ZNF831: variants seen among roughly 807,000 people sequenced by gnomAD.
ZNF831 encodes zinc finger protein 831.
Under a neutral mutation model 95.8 loss-of-function variants are expected in ZNF831, and 59 were observed. The ratio of observed to expected loss-of-function variants is 0.62; its 90% confidence interval spans 0.50 to 0.77. The LOEUF (loss-of-function observed/expected upper bound fraction) is 0.77, where lower values mean the gene tolerates loss of function less well. Ranked by LOEUF, ZNF831 falls within the 30% of genes least tolerant of loss-of-function variation. The probability of loss-of-function intolerance (pLI) is 0.00; values close to 1 mark genes in which losing one functional copy is unlikely to be tolerated. For missense variants in ZNF831, 2,205 were observed against 2,164.0 expected, an observed-to-expected ratio of 1.02 and a Z score of -0.38; for synonymous variants, 961 against 925.5, an observed-to-expected ratio of 1.04 and a Z score of -0.70.
At chr20:59,124,283 G>A (rs1056946548) in intron 1 of ZNF831, among the ~76,000 whole-genome samples, 1 of 152,202 alleles carries the variant, frequency 6.6e-6, no homozygotes, top group Non-Finnish European at 1.5e-5. Flanking sequence ...TCATGGCTGT[G>A]TTGGTGGTCT....
intron 1 of ZNF831, among the ~76,000 whole-genome samples, chr20:59,128,611 T>A (rs1407182578): frequency 6.6e-6 from 1 of 152,204 alleles, no homozygotes; most frequent in Non-Finnish European, 1.5e-5. Flanking sequence ...GCTAGGGGGA[T>A]GCACCTGGCC....
At chr20:59,202,779 C>T (rs571127899) in intron 3 of ZNF831, among the ~76,000 whole-genome samples, 49 of 152,318 alleles carry the variant, frequency 3.2e-4, no homozygotes, top group South Asian at 1.5e-3. Context: ...GAAGGTCATC[C>T]TCATCTGGTT....
In ZNF831 at chr20:59,169,478, A is replaced by G. The variant is rs1981553525; in HGVS notation, c.-37+5271A>G. The stretch of plus-strand genomic sequence containing the variant: ...GTTTTTGTAGAGATTCTAAAGACCA[A>G]TTTTAGGCTGGGCACAGTGGCTCAT... On this transcript the variant is annotated intron_variant, in intron 1 of 5. Transcript: ENST00000371030. The surrounding 1 kb of genome is among the most constrained non-coding windows in gnomAD (Gnocchi z 4.1). 6.6e-6 allele frequency among the ~76,000 whole-genome samples: 1 copy of G among 152,190 alleles called. No homozygotes were observed.
chr20:59,231,690 A>G (rs1986729606), intron 4 of ZNF831, among the ~76,000 whole-genome samples: 1 of 152,108 alleles, frequency 6.6e-6, no homozygotes. Flanking sequence ...CCGCTTTCAA[A>G]CATTTCTGTT....
chr20:59,150,139 T>G (rs1198999332), intron 2 of ZNF831, among the ~76,000 whole-genome samples: 2 of 152,164 alleles, frequency 1.3e-5, no homozygotes, highest in Non-Finnish European at 2.9e-5. Context: ...AGGAACAGAT[T>G]TTAGATTTTT....
rs930623422 is a variant in ZNF831 at position 59,207,169 on chromosome 20, C to G, written c.4027+113C>G. On this transcript the variant is annotated intron_variant, in intron 4 of 5. Transcript: ENST00000371030. The stretch of plus-strand genomic sequence containing the variant: ...AGTCAGCCCCAAGTGCCACAGGGGT[C>G]AGGCCCAAAAGGGAGAGTAACAGAG... 9 of 1,340,850 alleles carry G rather than the reference C, an allele frequency of 6.7e-6. No homozygotes were observed. The African/African-American group carries it at 1.3e-4, about 20-fold the overall frequency. 83.1% of individuals were successfully genotyped at this position (1,340,850 alleles called of 1,614,324 possible). A position where few individuals can be genotyped will look rare whatever the true frequency, so the allele number is the denominator to read the frequency against.
At chr20:59,179,354 T>C (rs1031106329) in intron 1 of ZNF831, among the ~76,000 whole-genome samples, 10 of 152,184 alleles carry the variant, frequency 6.6e-5, no homozygotes, top group African/African-American at 2.2e-4. Flanking sequence ...CGCTTCTCAC[T>C]ACAGTCCAGC....
At chr20:59,128,162 C>A (rs1979236660) in intron 1 of ZNF831, among the ~76,000 whole-genome samples, 1 of 152,140 alleles carries the variant, frequency 6.6e-6, no homozygotes, top group African/African-American at 2.4e-5. Flanking sequence ...CAGATTGTGA[C>A]AAATGCCACA....
At chr20:59,207,863 T>G (rs1985010223) in intron 4 of ZNF831, among the ~76,000 whole-genome samples, 1 of 152,242 alleles carries the variant, frequency 6.6e-6, no homozygotes, top group Non-Finnish European at 1.5e-5. Context: ...CCCTTGGCTC[T>G]GTCTCATGCC....
At position 59,135,497 on chromosome 20, in the gene ZNF831, C is replaced by T. The variant is rs1036756461; in HGVS notation, c.-1424-10734C>T. Among the ~76,000 whole-genome samples, 7 of 152,252 alleles carry T rather than the reference C, an allele frequency of 4.6e-5. No individual in the cohort carries two copies. In the South Asian group the frequency reaches 6.2e-4, roughly 14 times the overall value. On this transcript the variant is annotated intron_variant, in intron 1 of 7. Coordinates refer to the ZNF831 transcript ENST00000637017. ...CTGTAATCCCAGCACTTTGGGAGGCCGAGGCGGGCAGATCATGAGGTCAAG... is the reference window on the plus strand; with the variant it reads ...CTGTAATCCCAGCACTTTGGGAGGCTGAGGCGGGCAGATCATGAGGTCAAG...
At position 59,257,905 on chromosome 20, in the gene ZNF831, T is replaced by A. The variant is rs889530045; in HGVS notation, c.*3162T>A. On this transcript the variant is annotated 3_prime_UTR_variant, in exon 6 of 6. Coordinates refer to ENST00000371030, the MANE Select transcript of ZNF831 (RefSeq NM_178457.3). ...GACTCACCAGGTTTCTCTCTCCACC[T>A]GTACCTACACCCAGCTAGATCTTGT... The A allele has an allele frequency of 3.9e-5, 6 of 152,116 alleles. No individual in the cohort carries two copies. Among genetic ancestry groups the A allele is most frequent in the Admixed American group, 2.6e-4 (4 of 15,268 alleles). The allele number at this position is 152,116 out of a possible 1,614,324, so 9.4% of individuals were successfully genotyped here.
At chr20:59,188,334 A>G (rs1983226483) in intron 1 of ZNF831, among the ~76,000 whole-genome samples, 1 of 152,084 alleles carries the variant, frequency 6.6e-6, no homozygotes, top group Non-Finnish European at 1.5e-5. Context: ...TTAGTTTATT[A>G]TTATTATTTA....
chr20:59,248,323 T>C (rs1987719654), intron 4 of ZNF831, among the ~76,000 whole-genome samples: 1 of 152,260 alleles, frequency 6.6e-6, no homozygotes, highest in Admixed American at 6.5e-5. Context: ...GCCAGGGAAC[T>C]ACTTCCTTTT....
intron 1 of ZNF831, among the ~76,000 whole-genome samples, chr20:59,139,155 G>A (rs1473908438): frequency 2.6e-5 from 4 of 152,014 alleles, no homozygotes; most frequent in Non-Finnish European, 4.4e-5. Context: ...TACAGTGTGC[G>A]GGACTGTTAT....
intron 1 of ZNF831, among the ~76,000 whole-genome samples, chr20:59,164,566 T>C (rs904823785): frequency 1.3e-5 from 2 of 152,226 alleles, no homozygotes; most frequent in African/African-American, 4.8e-5. Flanking sequence ...TTAGCCCAAG[T>C]ATGTGTGGTA....
At chr20:59,162,839 T>C (rs986995152), upstream of ZNF831, among the ~76,000 whole-genome samples, 1 of 152,192 alleles carries the variant, frequency 6.6e-6, no homozygotes, top group African/African-American at 2.4e-5. Flanking sequence ...AAAATGACAT[T>C]GGTAATTTGA....
At chr20:59,195,067 A>G (rs1387472208) in intron 2 of ZNF831, among the ~76,000 whole-genome samples, 1 of 152,228 alleles carries the variant, frequency 6.6e-6, no homozygotes, top group Non-Finnish European at 1.5e-5. Context: ...ACAGAAGCAA[A>G]AAGTAAAATG....
At chr20:59,210,965 G>A (rs1045271976) in intron 4 of ZNF831, among the ~76,000 whole-genome samples, 3 of 83,926 alleles carry the variant, frequency 3.6e-5, no homozygotes, top group African/African-American at 1.3e-4. Flanking sequence ...CCCGGGAGGC[G>A]GAGCTTGCAG....
intron 4 of ZNF831, among the ~76,000 whole-genome samples, chr20:59,246,787 A>G (rs1483434552): frequency 6.6e-6 from 1 of 152,230 alleles, no homozygotes; most frequent in African/African-American, 2.4e-5. Flanking sequence ...CAAACTTTCA[A>G]AAGATTGCAT....
Sources: allele counts gnomAD v4.1 joint callset (sites outside exome capture counted in the v4.1 genomes callset), GRCh38; gene constraint gnomAD v4.1.1; non-coding constraint Gnocchi (gnomAD v3.1); transcripts MANE v1.5; gene names NCBI Gene and HGNC (gene_info 2026-07-23, HGNC 2026-07-21).